The following CHCHD3 variants were observed in gnomAD, a reference collection of about 807,000 sequenced individuals.
CHCHD3 encodes coiled-coil-helix-coiled-coil-helix domain containing 3.
CHCHD3 carries 20 observed loss-of-function variants against 38.2 expected under a neutral mutation model. That is an observed-to-expected ratio of 0.52 (90% CI 0.37 to 0.76). CHCHD3 has a LOEUF of 0.76. Ranked by LOEUF, CHCHD3 falls within the 30% of genes least tolerant of loss-of-function variation. CHCHD3 has a pLI of 0.00. For synonymous variants in CHCHD3, 82 were observed against 100.0 expected, an observed-to-expected ratio of 0.82 and a Z score of 1.07; for missense variants, 245 against 279.2, an observed-to-expected ratio of 0.88 and a Z score of 0.87.
intron 2 of CHCHD3, among the ~76,000 whole-genome samples, chr7:133,041,986 G>A (rs1480438022): frequency 1.3e-5 from 2 of 152,194 alleles, no homozygotes; most frequent in Non-Finnish European, 2.9e-5. Context: ...GCATAAGTTA[G>A]GTAAAATACG....
rs1284560483 is a variant in CHCHD3, at chr7:132,963,406, C to T, written c.369+11763G>A. Among the ~76,000 whole-genome samples, 10 of 126,756 alleles carry T rather than the reference C, an allele frequency of 7.9e-5. No individual in the cohort carries two copies. The South Asian group carries it at 1.0e-3, about 13-fold the overall frequency. 83.2% of individuals were successfully genotyped at this position (126,756 alleles called of 152,430 possible). A position where few individuals can be genotyped will look rare whatever the true frequency, so the allele number is the denominator to read the frequency against. ...CAGCACTTTGGGAGGCCAAGGCGGGCGGATCACGAGGTCGGGAGATCGAGA... is the reference window on the plus strand; with the variant it reads ...CAGCACTTTGGGAGGCCAAGGCGGGTGGATCACGAGGTCGGGAGATCGAGA... On this transcript the variant is annotated intron_variant, in intron 4 of 7. Coordinates refer to ENST00000262570, the MANE Select transcript of CHCHD3 (RefSeq NM_017812.4).
intron 6 of CHCHD3, among the ~76,000 whole-genome samples, chr7:132,798,626 G>A (rs944735640): frequency 6.6e-6 from 1 of 152,122 alleles, no homozygotes; most frequent in Admixed American, 6.6e-5. Flanking sequence ...TCTCCAATGT[G>A]TCTCAGATTT....
intron 6 of CHCHD3, among the ~76,000 whole-genome samples, chr7:132,821,266 G>A (rs2117068280): frequency 6.6e-6 from 1 of 152,116 alleles, no homozygotes; most frequent in South Asian, 2.1e-4. Context: ...AAACATAAAT[G>A]GACCTCATTT....
intron 6 of CHCHD3, among the ~76,000 whole-genome samples, chr7:132,825,349 G>A (rs1217696855): frequency 1.3e-5 from 2 of 152,186 alleles, no homozygotes; most frequent in African/African-American, 4.8e-5. Flanking sequence ...GACAGAAAGA[G>A]TCAAAATAGG....
intron 3 of CHCHD3, among the ~76,000 whole-genome samples, chr7:133,019,356 T>C (rs1274240317): frequency 6.6e-6 from 1 of 152,176 alleles, no homozygotes; most frequent in East Asian, 1.9e-4. Context: ...TCATATATAA[T>C]GAACTTAAAC....
At position 133,051,104 on chromosome 7, in the gene CHCHD3, T is replaced by C. The variant is rs188373982; in HGVS notation, c.169+19038A>G. Among the ~76,000 whole-genome samples the C allele has an allele frequency of 8.3e-4, 127 of 152,322 alleles. 3 individuals are homozygous for C. Among genetic ancestry groups the C allele is most frequent in the African/African-American group, 3.0e-3 (125 of 41,576 alleles). The stretch of plus-strand genomic sequence containing the variant: ...GCACAGAGAATACTGCTCAATGTTC[T>C]TGAAGAGTTCCTTCAGAAAAAGACC... On this transcript the variant is annotated intron_variant, in intron 2 of 7. Transcript: ENST00000262570.
intron 6 of CHCHD3, among the ~76,000 whole-genome samples, chr7:132,819,183 C>T (rs1807277863): frequency 6.6e-6 from 1 of 152,216 alleles, no homozygotes; most frequent in Non-Finnish European, 1.5e-5. Flanking sequence ...ATGAGATTCA[C>T]ATGCTGTTAA....
chr7:133,031,730 A>G (rs1813510371), intron 2 of CHCHD3, among the ~76,000 whole-genome samples: 2 of 152,284 alleles, frequency 1.3e-5, no homozygotes, highest in East Asian at 1.9e-4. Context: ...TAAACACACT[A>G]AAGAGAAACC....
chr7:133,020,981 G>A (rs1813163016), intron 3 of CHCHD3, among the ~76,000 whole-genome samples: 1 of 152,048 alleles, frequency 6.6e-6, no homozygotes, highest in Non-Finnish European at 1.5e-5. Context: ...GCGGGCAGCA[G>A]GAGGTGAGGA....
At chr7:132,944,543 A>G (rs1367930976) in intron 4 of CHCHD3, among the ~76,000 whole-genome samples, 1 of 151,990 alleles carries the variant, frequency 6.6e-6, no homozygotes, top group Non-Finnish European at 1.5e-5. Context: ...GTCACAATAC[A>G]TTGCTATAAT....
chr7:132,888,622 C>A (rs796632013), intron 4 of CHCHD3, among the ~76,000 whole-genome samples: 1 of 151,696 alleles, frequency 6.6e-6, no homozygotes, highest in Non-Finnish European at 1.5e-5. Context: ...GAAAATGCAA[C>A]CAGCATTATT....
At chr7:132,804,495 T>C (rs1317427195) in intron 6 of CHCHD3, among the ~76,000 whole-genome samples, 1 of 152,180 alleles carries the variant, frequency 6.6e-6, no homozygotes, top group African/African-American at 2.4e-5. Flanking sequence ...GAGTAGTCCA[T>C]GCATAAAAAT....
intron 3 of CHCHD3, among the ~76,000 whole-genome samples, chr7:133,017,007 C>T (rs1224461571): frequency 1.3e-5 from 2 of 152,192 alleles, no homozygotes; most frequent in African/African-American, 4.8e-5. Context: ...GGAAAGTACA[C>T]TCCTCAAACA....
At chr7:133,038,301 C>A (rs1011411374) in intron 2 of CHCHD3, among the ~76,000 whole-genome samples, 1 of 151,990 alleles carries the variant, frequency 6.6e-6, no homozygotes, top group African/African-American at 2.4e-5. Context: ...CAATCATATA[C>A]CTTTATAACA....
intron 5 of CHCHD3, among the ~76,000 whole-genome samples, chr7:132,851,542 T>C (rs1049224126): frequency 6.6e-6 from 1 of 152,218 alleles, no homozygotes; most frequent in African/African-American, 2.4e-5. Context: ...ATTACACACC[T>C]GAGACCTTTC....
At chr7:132,890,258 C>A (rs538653084) in intron 4 of CHCHD3, among the ~76,000 whole-genome samples, 2 of 152,224 alleles carry the variant, frequency 1.3e-5, no homozygotes, top group South Asian at 2.1e-4. Context: ...TGTTTACTTC[C>A]TTAAAGACTT....
intron 4 of CHCHD3, among the ~76,000 whole-genome samples, chr7:132,904,612 G>A (rs1352396203): frequency 6.6e-6 from 1 of 152,172 alleles, no homozygotes; most frequent in East Asian, 1.9e-4. Context: ...AGAGGATGTG[G>A]AGAAATAGGA....
chr7:132,885,771 T>C (rs1487756060), intron 4 of CHCHD3, 26 bp from the exon 5 acceptor site: 9 of 1,521,928 alleles, frequency 5.9e-6, no homozygotes, highest in African/African-American at 2.8e-5. Context: ...AGGAATATAC[T>C]ATATCAAGAA....
At chr7:132,893,455 T>G (rs546285966) in intron 4 of CHCHD3, among the ~76,000 whole-genome samples, 1 of 152,318 alleles carries the variant, frequency 6.6e-6, no homozygotes, top group South Asian at 2.1e-4. Flanking sequence ...TTGTCTCAAA[T>G]GAGACTTTGG....
Sources: allele counts gnomAD v4.1 joint callset (sites outside exome capture counted in the v4.1 genomes callset), GRCh38; gene constraint gnomAD v4.1.1; transcripts MANE v1.5; gene names NCBI Gene and HGNC (gene_info 2026-07-23, HGNC 2026-07-21).